The following PTPRD variants were observed in gnomAD, a reference collection of about 807,000 sequenced individuals.
PTPRD encodes the protein receptor-type tyrosine-protein phosphatase delta.
PTPRD carries 34 observed loss-of-function variants against 214.5 expected under a neutral mutation model. That is an observed-to-expected ratio of 0.16 (90% CI 0.12 to 0.21). The LOEUF (loss-of-function observed/expected upper bound fraction) is 0.21. Among genes scored for constraint, PTPRD ranks in the 10% least tolerant of loss-of-function variants. The pLI, the probability that PTPRD is intolerant of heterozygous loss-of-function variation, is 1.00. For synonymous variants in PTPRD, 1,128 were observed against 845.7 expected (o/e 1.33, Z -5.79); for missense variants, 2,545 against 2,398.7 (o/e 1.06, Z -1.27).
chr9:10,137,790 C>T (rs1375240694), intron 3 of PTPRD, among the ~76,000 whole-genome samples: 1 of 150,974 alleles, frequency 6.6e-6, no homozygotes, highest in African/African-American at 2.4e-5. Context: ...ACCTGAATGG[C>T]TTTTTGGTAA....
chr9:10,091,061 T>C (rs572757752), intron 3 of PTPRD, among the ~76,000 whole-genome samples: 16 of 151,206 alleles, frequency 1.1e-4, no homozygotes, highest in Non-Finnish European at 1.9e-4. Context: ...TTATACCTGG[T>C]ATATGTAAAA....
chr9:8,704,983 T>C (rs1340524785), intron 12 of PTPRD, among the ~76,000 whole-genome samples: 3 of 151,978 alleles, frequency 2.0e-5, no homozygotes, highest in African/African-American at 4.8e-5. Context: ...TCAATCTTTT[T>C]CTCCCTCTAT....
At chr9:10,246,274 G>A (rs1039081612) in intron 3 of PTPRD, among the ~76,000 whole-genome samples, 4 of 152,078 alleles carry the variant, frequency 2.6e-5, no homozygotes, top group Non-Finnish European at 4.4e-5. Context: ...ATGGAGTTTC[G>A]CTCTTGTTGC....
At chr9:8,373,134 G>C (rs1409269360) in intron 39 of PTPRD, among the ~76,000 whole-genome samples, 1 of 151,958 alleles carries the variant, frequency 6.6e-6, no homozygotes, top group African/African-American at 2.4e-5. Flanking sequence ...TTTCTGCTCA[G>C]AAATGGTTTC....
At chr9:9,534,326 T>C (rs183701400) in intron 8 of PTPRD, among the ~76,000 whole-genome samples, 4 of 152,184 alleles carry the variant, frequency 2.6e-5, no homozygotes, top group Admixed American at 2.0e-4. Flanking sequence ...TTCTTTATTC[T>C]TCAAAATTAG....
At chr9:9,557,345 T>C (rs997742153) in intron 8 of PTPRD, among the ~76,000 whole-genome samples, 21 of 152,134 alleles carry the variant, frequency 1.4e-4, no homozygotes, top group African/African-American at 4.8e-4. Context: ...AGACTCTTTG[T>C]ACCAATAAGA....
chr9:10,020,251 G>A (rs16930828), intron 4 of PTPRD, among the ~76,000 whole-genome samples: 66,323 of 152,012 alleles, frequency 0.44, 16,525 homozygotes, highest in Middle Eastern at 0.62. Context: ...ATTTGGCACC[G>A]CACAATACTA....
At chr9:10,347,409 C>CTTTTTT (rs201173966) in intron 2 of PTPRD, among the ~76,000 whole-genome samples, 6 of 127,928 alleles carry the variant, frequency 4.7e-5, no homozygotes, top group Non-Finnish European at 8.3e-5. Context: ...AGCTATTTGT[C>CTTTTTT]TTTTTTTTTT....
rs762979665 is a variant in PTPRD, at chr9:8,460,498, T to A, written c.3788A>T (p.Glu1263Val). Reference protein sequence around the residue: ...MDLDPQPITDEEEGLIWVVGP... With the variant: ...MDLDPQPITDVEEGLIWVVGP... ...TACAACCCAGATCAAGCCTTCTTCTTCATCCGTGATTGGCTGCGGATCCAG... is the reference window on the plus strand; with the variant it reads ...TACAACCCAGATCAAGCCTTCTTCTACATCCGTGATTGGCTGCGGATCCAG... Residue 1263 changes from glutamate to valine, a missense_variant, in exon 33 of 46, where the codon GAA becomes GTA. Physicochemically the swap from Glu to Val is moderately radical, Grantham distance 121 (BLOSUM62 -2). Coordinates refer to ENST00000381196, the MANE Select transcript of PTPRD (RefSeq NM_002839.4). 42 of 1,613,442 alleles carry A rather than the reference T, an allele frequency of 2.6e-5. No homozygotes were observed. In the Admixed American group the frequency reaches 6.7e-4, roughly 26 times the overall value.
intron 35 of PTPRD, among the ~76,000 whole-genome samples, chr9:8,407,705 T>C (rs1177333085): frequency 6.6e-6 from 1 of 152,212 alleles, no homozygotes; most frequent in Admixed American, 6.5e-5. Context: ...TGGCTTCACA[T>C]GGATGATAAA....
chr9:10,385,522 T>C (rs1346910464), intron 2 of PTPRD, among the ~76,000 whole-genome samples: 4 of 151,802 alleles, frequency 2.6e-5, no homozygotes, highest in African/African-American at 9.7e-5. Flanking sequence ...GTTCAAAGAA[T>C]ATAAGCTCCA....
At chr9:10,128,741 C>A (rs1348761452) in intron 3 of PTPRD, among the ~76,000 whole-genome samples, 1 of 152,100 alleles carries the variant, frequency 6.6e-6, no homozygotes, top group East Asian at 1.9e-4. Context: ...AAGAACTAGT[C>A]CAAGTTTCAC....
intron 3 of PTPRD, among the ~76,000 whole-genome samples, chr9:10,225,899 A>T (rs1034178807): frequency 6.6e-6 from 1 of 152,066 alleles, no homozygotes; most frequent in Admixed American, 6.6e-5. Context: ...AAACAAGTAA[A>T]GAAATGGGGC....
At chr9:10,504,713 T>A (rs2045305844) in intron 2 of PTPRD, among the ~76,000 whole-genome samples, 1 of 152,166 alleles carries the variant, frequency 6.6e-6, no homozygotes, top group Non-Finnish European at 1.5e-5. Flanking sequence ...AAAATAAAAT[T>A]ACTTCTCCAC....
At chr9:10,052,536 C>T (rs1295184925) in intron 3 of PTPRD, among the ~76,000 whole-genome samples, 1 of 152,092 alleles carries the variant, frequency 6.6e-6, no homozygotes, top group African/African-American at 2.4e-5. Flanking sequence ...TATTATATTT[C>T]AGGTATTGTA....
At chr9:8,376,438 C>A (rs1426804903) in intron 38 of PTPRD, among the ~76,000 whole-genome samples, 169 bp downstream of exon 38, 1 of 151,900 alleles carries the variant, frequency 6.6e-6, no homozygotes, top group Non-Finnish European at 1.5e-5. Context: ...TGATAAATCG[C>A]CAGACAAGAA....
intron 11 of PTPRD, among the ~76,000 whole-genome samples, chr9:8,940,988 G>A (rs557355466): frequency 1.3e-5 from 2 of 152,124 alleles, no homozygotes; most frequent in South Asian, 2.1e-4. Context: ...TAGACTAAAG[G>A]CATGGCTTCC....
At position 9,436,012 on chromosome 9, in the gene PTPRD, T is replaced by C. The variant is rs1182729640; in HGVS notation, c.-236-38530A>G. Among the ~76,000 whole-genome samples the C allele has an allele frequency of 2.0e-5, 3 of 152,302 alleles. No individual in the cohort carries two copies. In the East Asian group the frequency reaches 5.8e-4, roughly 29 times the overall value. ...TTCTGCCTGCTCACTTTCCTGTAGA[T>C]ATATACCCTGACCTCACCTCTACTT... On this transcript the variant is annotated intron_variant, in intron 8 of 45. Transcript: ENST00000381196.
intron 5 of PTPRD, among the ~76,000 whole-genome samples, chr9:9,937,605 G>A (rs932565553): frequency 9.2e-5 from 14 of 151,924 alleles, no homozygotes; most frequent in Non-Finnish European, 1.5e-4. Flanking sequence ...TATGGAGGAG[G>A]GATTGTTGAG....
Sources: gnomAD v4.1 joint callset for allele counts (sites outside exome capture counted in the v4.1 genomes callset) on GRCh38, gnomAD v4.1.1 for gene constraint, MANE v1.5 for transcripts, NCBI Gene and HGNC (gene_info 2026-07-23, HGNC 2026-07-21) for gene names.